GSDME: variants seen among roughly 807,000 people sequenced by gnomAD.
GSDME encodes gasdermin-E.
In GSDME, 44 loss-of-function variants were observed where a neutral mutation model predicts 47.5. The observed-to-expected ratio is 0.93, with a 90% CI of 0.73 to 1.19. GSDME has a LOEUF of 1.19. Ranked by LOEUF, GSDME falls within the 50% of genes most tolerant of loss-of-function variation. The pLI is 0.00. For synonymous variants in GSDME, 258 were observed against 252.8 expected (o/e 1.02, Z -0.20); for missense variants, 663 against 604.2 (o/e 1.10, Z -1.02).
In GSDME at chr7:24,706,242, C is replaced by G. The variant is rs771987219; in HGVS notation, c.1125G>C (p.Glu375Asp). 6.2e-7 allele frequency: 1 copy of G among 1,614,224 alleles called. No individual in the cohort carries two copies. ...CSLQGGCPGP[E>D]DAGSKQLFMT... ...TAAACAGCTGCTTGCTGCCTGCATC[C>G]TCGGGGCCCGGACACCCACCCTGTA... The change falls in exon 8 of 10, where the codon GAG (glutamate) becomes GAC (aspartate). Residue 375 changes from glutamate (E) to aspartate (D), a missense_variant. Coordinates refer to ENST00000645220, the MANE Select transcript of GSDME (RefSeq NM_001127453.2).
upstream of GSDME, among the ~76,000 whole-genome samples, chr7:24,762,876 T>C (rs1003618697): frequency 4.6e-5 from 7 of 152,188 alleles, no homozygotes; most frequent in Non-Finnish European, 1.0e-4. Flanking sequence ...ACCACAGTCC[T>C]CATTCCTTCA....
At position 24,726,805 on chromosome 7, in the gene GSDME, C is replaced by CAAA. The variant is rs11358953; in HGVS notation, c.405-7590_405-7588dup. Among the ~76,000 whole-genome samples the CAAA allele has an allele frequency of 1.0e-5, 1 of 96,936 alleles. No homozygotes were observed. 63.6% of individuals were successfully genotyped at this position (96,936 alleles called of 152,430 possible). On this transcript the variant is annotated intron_variant, in intron 3 of 9. Transcript: ENST00000645220. This position sits in a 1 kb window ranked among gnomAD's most constrained non-coding sequence, Gnocchi z 5.6. ...CGGGGGACAGAGCGAGACTCCGTCTCAAAAAAAAAAAAAAAAAACCAATGG... is the reference window on the plus strand; with the variant it reads ...CGGGGGACAGAGCGAGACTCCGTCTCAAAAAAAAAAAAAAAAAAAAACCAATGG...
At chr7:24,779,810 A>G in the GSDME span, among the ~76,000 whole-genome samples, 1 of 152,162 alleles carries the variant, frequency 6.6e-6, no homozygotes, top group Non-Finnish European at 1.5e-5. This position sits in a 1 kb window ranked among gnomAD's most constrained non-coding sequence, Gnocchi z 6.0. Flanking sequence ...AACAGTCCAC[A>G]CCAACAGCAT....
At chr7:24,789,533 G>C in the GSDME span, among the ~76,000 whole-genome samples, 1 of 152,182 alleles carries the variant, frequency 6.6e-6, no homozygotes, top group Non-Finnish European at 1.5e-5. Context: ...AACAGAACAG[G>C]ACAGGGATTT....
chr7:24,701,711 G>C (rs1290670803), intron 9 of GSDME, among the ~76,000 whole-genome samples: 1 of 152,188 alleles, frequency 6.6e-6, no homozygotes, highest in Non-Finnish European at 1.5e-5. Flanking sequence ...TTTACCCTCA[G>C]CTGGCCCAGG....
chr7:24,739,660 T>C lies in GSDME; in HGVS notation c.404+4902A>G, dbSNP rs1790423487. On this transcript the variant is annotated intron_variant, in intron 3 of 9. Coordinates refer to ENST00000645220, the MANE Select transcript of GSDME (RefSeq NM_001127453.2). This position sits in a 1 kb window ranked among gnomAD's most constrained non-coding sequence, Gnocchi z 5.1. ...CCCAAAAGAAAGGAAATCAGTATAC[T>C]GAGGAGCTATCTGCACTCCTACATT... Among the ~76,000 whole-genome samples, 1 of 152,236 alleles carries C rather than the reference T, an allele frequency of 6.6e-6. No individual in the cohort carries two copies. Among genetic ancestry groups the C allele is most frequent in the African/African-American group, 2.4e-5 (1 of 41,452 alleles).
chr7:24,714,910 G>A lies in GSDME; in HGVS notation c.697+2344C>T, dbSNP rs58913912. 0.047 allele frequency among the ~76,000 whole-genome samples: 7,201 copies of A among 152,254 alleles called. 598 individuals are homozygous for A. The highest frequency in any genetic ancestry group is 0.16 in the African/African-American group (6,815 of 41,518). On this transcript the variant is annotated intron_variant, in intron 5 of 9. Coordinates refer to ENST00000645220, the MANE Select transcript of GSDME (RefSeq NM_001127453.2). This position sits in a 1 kb window ranked among gnomAD's most constrained non-coding sequence, Gnocchi z 5.0. ...GGTGCATGCCAAGATTTCAGAAAGC[G>A]TTACAGAAGTGACGCATCCTTCACT...
In GSDME at chr7:24,725,598, C is replaced by G. The variant is rs557039899; in HGVS notation, c.405-6380G>C. Among the ~76,000 whole-genome samples, 3 of 152,086 alleles carry G rather than the reference C, an allele frequency of 2.0e-5. No individual in the cohort carries two copies. The highest frequency in any genetic ancestry group is 2.0e-4 in the Admixed American group (3 of 15,280). On this transcript the variant is annotated intron_variant, in intron 3 of 9. Coordinates refer to ENST00000645220, the MANE Select transcript of GSDME (RefSeq NM_001127453.2). The surrounding 1 kb of genome is among the most constrained non-coding windows in gnomAD (Gnocchi z 5.1). ...GGGGTGCGCATGAGAGGGTCGTGAT[C>G]GATTGAGCAAGCAGTGGGTACGTGA...
chr7:24,708,028 A>C (rs562283153), intron 7 of GSDME, 99 bp downstream of exon 7: 48 of 1,475,336 alleles, frequency 3.3e-5, no homozygotes, highest in Non-Finnish European at 3.7e-5. Context: ...GTAGGGAGAA[A>C]AGGAGGCGGG....
chr7:24,765,927 A>G, the GSDME span, among the ~76,000 whole-genome samples: 3 of 152,210 alleles, frequency 2.0e-5, no homozygotes, highest in Non-Finnish European at 2.9e-5. Context: ...CACAATATAT[A>G]TGAGGATCTG....
At chr7:24,710,195 GC>G in intron 6 of GSDME, 28 bp downstream of exon 6, 1 of 1,611,722 alleles carries the variant, frequency 6.2e-7, no homozygotes, top group Non-Finnish European at 8.5e-7. Flanking sequence ...GCCCTCAACT[GC>G]CCACTACTCC....
Position 24,702,852 on chromosome 7 carries a change from AC to A in GSDME, c.1184-20del. Reference sequence around the variant, plus strand: ...GGCATTTCTGCAGGAGAGAAAAATCACAGTCACAGTCCAAAAAAACAAGTCC... The same window carrying A: ...GGCATTTCTGCAGGAGAGAAAAATCAAGTCACAGTCCAAAAAAACAAGTCC... On this transcript the variant is annotated intron_variant, in intron 8 of 9. Transcript: ENST00000645220. 6.2e-7 allele frequency: 1 copy of A among 1,609,300 alleles called. No homozygotes were observed. Among genetic ancestry groups the A allele is most frequent in the Middle Eastern group, 1.7e-4 (1 of 5,994 alleles).
chr7:24,747,857 T>C (rs988462607), intron 2 of GSDME, among the ~76,000 whole-genome samples: 3 of 151,854 alleles, frequency 2.0e-5, no homozygotes, highest in African/African-American at 7.3e-5. Context: ...TTTGTAGAGA[T>C]GGGGTTTGCC....
chr7:24,752,525 G>A (rs888344855), intron 1 of GSDME, among the ~76,000 whole-genome samples: 5 of 152,202 alleles, frequency 3.3e-5, no homozygotes, highest in South Asian at 2.1e-4. Context: ...AAAGACACTC[G>A]CTTGGTGAAG....
intron 3 of GSDME, among the ~76,000 whole-genome samples, chr7:24,731,613 T>C (rs930740242): frequency 9.8e-5 from 15 of 152,358 alleles, no homozygotes; most frequent in African/African-American, 3.4e-4. Context: ...CCAGATTTGC[T>C]AGGCAGGCTC....
At position 24,735,910 on chromosome 7, in the gene GSDME, ATTTTCT is replaced by A. The variant is rs1418889231; in HGVS notation, c.404+8646_404+8651del. Among the ~76,000 whole-genome samples, 1 of 152,076 alleles carries A rather than the reference ATTTTCT, an allele frequency of 6.6e-6. No individual in the cohort carries two copies. The highest frequency in any genetic ancestry group is 1.5e-5 in the Non-Finnish European group (1 of 68,004). ...AAGTTAAGGCGTGGAGTTTGTATTC[ATTTTCT>A]TTTTATTTGTTTATGCTAGCAGTGT... On this transcript the variant is annotated intron_variant, in intron 3 of 9. Coordinates refer to ENST00000645220, the MANE Select transcript of GSDME (RefSeq NM_001127453.2). This position sits in a 1 kb window ranked among gnomAD's most constrained non-coding sequence, Gnocchi z 4.4.
chr7:24,706,725 T>G (rs1789123914), intron 7 of GSDME, among the ~76,000 whole-genome samples: 1 of 152,234 alleles, frequency 6.6e-6, no homozygotes, highest in African/African-American at 2.4e-5. Flanking sequence ...TTGGTTCTCA[T>G]GCGTTAAGCT....
intron 6 of GSDME, among the ~76,000 whole-genome samples, chr7:24,709,682 T>C (rs1032924627): frequency 6.6e-6 from 1 of 152,160 alleles, no homozygotes; most frequent in Non-Finnish European, 1.5e-5. Context: ...TAAAGCACAA[T>C]ACGCTGTGAG....
chr7:24,717,176 T>C, intron 5 of GSDME, 78 bp downstream of exon 5: 1 of 1,203,968 alleles, frequency 8.3e-7, no homozygotes, highest in Non-Finnish European at 1.1e-6. Context: ...AGTCGAGTCC[T>C]CTGGAAAGCA....
Sources: allele counts gnomAD v4.1 joint callset (sites outside exome capture counted in the v4.1 genomes callset), GRCh38; gene constraint gnomAD v4.1.1; non-coding constraint Gnocchi (gnomAD v3.1); transcripts MANE v1.5; gene names NCBI Gene and HGNC (gene_info 2026-07-23, HGNC 2026-07-21).